Variants in LPP observed in about 807,000 individuals in gnomAD.
LPP encodes lipoma-preferred partner.
A neutral mutation model predicts 60.4 loss-of-function variants in LPP; 38 were observed. The observed-to-expected ratio is 0.63, with a 90% CI of 0.49 to 0.83. The LOEUF is 0.83. Among genes scored for constraint, LPP ranks in the 40% least tolerant of loss-of-function variants. LPP has a pLI of 0.00. For synonymous variants in LPP, 328 were observed against 290.8 expected, an observed-to-expected ratio of 1.13 and a Z score of -1.30; for missense variants, 902 against 783.6, an observed-to-expected ratio of 1.15 and a Z score of -1.80.
chr3:188,535,522 A>G (rs1823332630), intron 6 of LPP, among the ~76,000 whole-genome samples: 2 of 152,254 alleles, frequency 1.3e-5, no homozygotes, highest in Admixed American at 1.3e-4. Flanking sequence ...TGTAATAGAT[A>G]TAGAGTTAGC....
At chr3:188,855,681 G>A (rs527369879) in intron 9 of LPP, among the ~76,000 whole-genome samples, 1 of 152,182 alleles carries the variant, frequency 6.6e-6, no homozygotes, top group Non-Finnish European at 1.5e-5. Flanking sequence ...TGAGGGTGAT[G>A]CTTTGAACAA....
At chr3:188,689,305 A>G (rs1401656185) in intron 7 of LPP, among the ~76,000 whole-genome samples, 1 of 152,218 alleles carries the variant, frequency 6.6e-6, no homozygotes, top group Non-Finnish European at 1.5e-5. Context: ...AGGCATGCAT[A>G]TTGCAAAAGT....
At chr3:188,698,185 G>T (rs1863680351) in intron 7 of LPP, among the ~76,000 whole-genome samples, 1 of 152,118 alleles carries the variant, frequency 6.6e-6, no homozygotes, top group South Asian at 2.1e-4. Flanking sequence ...TGAAACGTGT[G>T]CCTGGAGTCA....
chr3:188,257,937 A>C (rs1322771761), intron 2 of LPP, among the ~76,000 whole-genome samples: 1 of 152,250 alleles, frequency 6.6e-6, no homozygotes, highest in Non-Finnish European at 1.5e-5. Context: ...CTGCTACAGC[A>C]TTAAAGCCTG....
chr3:188,775,723 C>T (rs889589044), intron 9 of LPP, among the ~76,000 whole-genome samples: 6 of 152,164 alleles, frequency 3.9e-5, no homozygotes, highest in African/African-American at 1.4e-4. Context: ...GAATTAACTC[C>T]TCATGCACAG....
At chr3:188,646,917 G>A (rs541703711) in intron 7 of LPP, among the ~76,000 whole-genome samples, 4 of 152,268 alleles carry the variant, frequency 2.6e-5, no homozygotes, top group Admixed American at 2.6e-4. Flanking sequence ...CCACTTCCTG[G>A]ACATTTGTGT....
intron 5 of LPP, 127 bp from the exon 6 acceptor site, chr3:188,524,538 G>A (rs1216886193): frequency 2.2e-6 from 2 of 914,798 alleles, no homozygotes; most frequent in African/African-American, 1.7e-5. Flanking sequence ...TTTTATGAAA[G>A]CTTAATTAAA....
At position 188,175,165 on chromosome 3, in the gene LPP, CAACT is replaced by C. The variant is rs768695112; in HGVS notation, c.-190+20914_-190+20917del. On this transcript the variant is annotated intron_variant, in intron 1 of 11. Transcript: ENST00000617246. ...GCAGTCGTGGGTTCTTGGCTCACTG[CAACT>C]CCACCTCCTGGGTTCAGGCGATTCT... Among the ~76,000 whole-genome samples the C allele has an allele frequency of 1.1e-3, 163 of 152,246 alleles. 1 individual carries two copies. The highest frequency in any genetic ancestry group is 9.3e-3 in the East Asian group (48 of 5,170).
rs555563928 is a variant in LPP at position 188,217,579 on chromosome 3, C to G, written c.-189-7826C>G. On this transcript the variant is annotated intron_variant, in intron 1 of 11. Transcript: ENST00000617246. This position sits in a 1 kb window ranked among gnomAD's most constrained non-coding sequence, Gnocchi z 4.0. ...TAATTCAGGTGTGATGTGGTGGTAA[C>G]TTTGACTAGGGCATAGAAGTTGGGC... 1.3e-5 allele frequency among the ~76,000 whole-genome samples: 2 copies of G among 152,066 alleles called. No individual in the cohort carries two copies. Among genetic ancestry groups the G allele is most frequent in the Non-Finnish European group, 2.9e-5 (2 of 68,000 alleles).
At position 188,890,492 on chromosome 3, in the gene LPP, T is replaced by A. The variant is rs1242346607; in HGVS notation, c.*16013T>A. On this transcript the variant is annotated 3_prime_UTR_variant, in exon 12 of 12. Transcript: ENST00000617246. ...ATTTAGGTATTTTCTTTTGTGTTTA[T>A]GCATTATCTGACTATATTAAAACCT... is the stretch of plus-strand genomic sequence containing the variant. The A allele has an allele frequency of 5.3e-6, 1 of 190,036 alleles. No homozygotes were observed. The highest frequency in any genetic ancestry group is 8.5e-5 in the East Asian group (1 of 11,794). 11.8% of individuals were successfully genotyped at this position (190,036 alleles called of 1,614,324 possible). A position where few individuals can be genotyped will look rare whatever the true frequency, so the allele number is the denominator to read the frequency against.
At chr3:188,500,413 G>A (rs530500324) in intron 5 of LPP, among the ~76,000 whole-genome samples, 3 of 151,970 alleles carry the variant, frequency 2.0e-5, no homozygotes, top group South Asian at 4.2e-4. Context: ...GTATCCGTTC[G>A]TTACAATAAT....
At chr3:188,678,268 A>C (rs1198767033) in intron 7 of LPP, among the ~76,000 whole-genome samples, 1 of 152,260 alleles carries the variant, frequency 6.6e-6, no homozygotes, top group African/African-American at 2.4e-5. Flanking sequence ...AAATGTTAGC[A>C]TAACAAACCA....
chr3:188,653,813 A>G (rs1314355539), intron 7 of LPP, among the ~76,000 whole-genome samples: 1 of 152,146 alleles, frequency 6.6e-6, no homozygotes, highest in Non-Finnish European at 1.5e-5. Flanking sequence ...AGAATCTCTG[A>G]TCAGTAGATT....
intron 6 of LPP, among the ~76,000 whole-genome samples, chr3:188,602,177 T>TATATATATATATA (rs1560620601): frequency 3.5e-5 from 4 of 115,272 alleles, no homozygotes; most frequent in Non-Finnish European, 5.7e-5. Context: ...ATATATATAT[T>TATATATATATATA]ATATATATAT....
chr3:188,465,539 T>C (rs1399732010), intron 4 of LPP, among the ~76,000 whole-genome samples: 3 of 152,208 alleles, frequency 2.0e-5, no homozygotes, highest in Non-Finnish European at 2.9e-5. Context: ...AATGTGTGTG[T>C]CGGCTCATGT....
intron 9 of LPP, among the ~76,000 whole-genome samples, chr3:188,772,586 C>CT (rs767563010): frequency 1.3e-5 from 2 of 152,144 alleles, no homozygotes; most frequent in Non-Finnish European, 2.9e-5. Flanking sequence ...CCTCTGCCTC[C>CT]TGGGTTCGCG....
intron 3 of LPP, among the ~76,000 whole-genome samples, chr3:188,344,058 G>T (rs1480869266): frequency 2.0e-5 from 3 of 152,156 alleles, no homozygotes; most frequent in Non-Finnish European, 4.4e-5. Flanking sequence ...AGTATACCCT[G>T]TTTACTATTT....
intron 9 of LPP, among the ~76,000 whole-genome samples, chr3:188,841,548 C>T (rs1052392566): frequency 1.3e-5 from 2 of 152,152 alleles, no homozygotes; most frequent in Middle Eastern, 3.4e-3. Context: ...TGCAACACCA[C>T]GCCCAGCTAA....
intron 9 of LPP, among the ~76,000 whole-genome samples, chr3:188,823,181 T>G (rs748012964): frequency 1.3e-5 from 2 of 152,060 alleles, no homozygotes; most frequent in African/African-American, 2.4e-5. Flanking sequence ...TGGGTGAAAA[T>G]AAATGTTTTC....
Sources: allele counts gnomAD v4.1 joint callset (sites outside exome capture counted in the v4.1 genomes callset), GRCh38; gene constraint gnomAD v4.1.1; non-coding constraint Gnocchi (gnomAD v3.1); transcripts MANE v1.5; gene names NCBI Gene and HGNC (gene_info 2026-07-23, HGNC 2026-07-21).